RNF130: variants seen among roughly 807,000 people sequenced by gnomAD.
RNF130 encodes the protein ring finger protein 130, also known as E3 ubiquitin-protein ligase RNF130.
A neutral mutation model predicts 44.6 loss-of-function variants in RNF130; 21 were observed. That is an observed-to-expected ratio of 0.47 (90% CI 0.33 to 0.68). The LOEUF (loss-of-function observed/expected upper bound fraction) is 0.68, where lower values mean the gene tolerates loss of function less well. Among genes scored for constraint, RNF130 ranks in the 30% least tolerant of loss-of-function variants. RNF130 has a pLI of 0.02. For synonymous variants in RNF130, 214 were observed against 210.4 expected (o/e 1.02, Z -0.15); for missense variants, 479 against 560.6 (o/e 0.85, Z 1.47).
intron 7 of RNF130, among the ~76,000 whole-genome samples, chr5:179,949,710 T>C (rs772650924): frequency 9.2e-5 from 14 of 152,256 alleles, no homozygotes; most frequent in East Asian, 1.9e-4. Context: ...AAAGCTGTTG[T>C]AACTTTAAGT....
chr5:180,068,579 A>G (rs1420101920), intron 1 of RNF130, among the ~76,000 whole-genome samples: 2 of 152,254 alleles, frequency 1.3e-5, no homozygotes, highest in Non-Finnish European at 2.9e-5. Context: ...GCCTAAGAAA[A>G]AAATTGACTA....
At chr5:179,939,136 G>C in intron 7 of RNF130, among the ~76,000 whole-genome samples, 1 of 152,126 alleles carries the variant, frequency 6.6e-6, no homozygotes. Flanking sequence ...AGAATCGCTT[G>C]AACTCGGGAG....
At chr5:179,943,820 G>C (rs944197099) in intron 7 of RNF130, among the ~76,000 whole-genome samples, 6 of 152,168 alleles carry the variant, frequency 3.9e-5, no homozygotes, top group Non-Finnish European at 7.4e-5. Flanking sequence ...GCAACATGTT[G>C]ACTGATTTAA....
intron 3 of RNF130, among the ~76,000 whole-genome samples, chr5:180,002,110 C>T (rs1055339285): frequency 1.3e-5 from 2 of 152,202 alleles, no homozygotes; most frequent in Non-Finnish European, 2.9e-5. Context: ...AGCTTAGGTA[C>T]TGGGATGTGT....
chr5:179,929,118 T>C (rs938906842), intron 7 of RNF130, among the ~76,000 whole-genome samples: 39 of 152,296 alleles, frequency 2.6e-4, no homozygotes, highest in African/African-American at 8.9e-4. Context: ...AGGTCTATCA[T>C]CCATTTCAAG....
At chr5:179,972,770 T>C (rs1381590204) in intron 5 of RNF130, among the ~76,000 whole-genome samples, 1 of 152,182 alleles carries the variant, frequency 6.6e-6, no homozygotes, top group Non-Finnish European at 1.5e-5. Context: ...AACCAAATGG[T>C]ATAATCCTCA....
chr5:179,940,628 C>A (rs557045515), intron 7 of RNF130, among the ~76,000 whole-genome samples: 2 of 151,926 alleles, frequency 1.3e-5, no homozygotes, highest in Admixed American at 1.3e-4. Context: ...GTATCTTTTT[C>A]TCTGCCTTTA....
At chr5:180,001,005 T>A (rs917316477) in intron 3 of RNF130, among the ~76,000 whole-genome samples, 2 of 152,200 alleles carry the variant, frequency 1.3e-5, no homozygotes, top group Non-Finnish European at 2.9e-5. Flanking sequence ...TCTTTCAAAT[T>A]TTCTAGAGTG....
rs552880246 is a variant in RNF130 at position 179,918,323 on chromosome 5, T to A, written c.*1994A>T. 5.9e-5 allele frequency: 9 copies of A among 152,344 alleles called. No individual in the cohort carries two copies. The East Asian group carries it at 1.7e-3, about 29-fold the overall frequency. 9.4% of individuals were successfully genotyped at this position (152,344 alleles called of 1,614,324 possible). Reference sequence around the variant, plus strand: ...AAATTTGTACTTCTTCTCACGTAATTTCATACCTTTTCAGTAAAGAAACTG... The same window carrying A: ...AAATTTGTACTTCTTCTCACGTAATATCATACCTTTTCAGTAAAGAAACTG... On this transcript the variant is annotated 3_prime_UTR_variant, in exon 8 of 8. Coordinates refer to the RNF130 transcript ENST00000522208.
intron 2 of RNF130, among the ~76,000 whole-genome samples, chr5:180,030,997 A>G (rs1474016056): frequency 2.0e-5 from 3 of 152,194 alleles, no homozygotes; most frequent in South Asian, 4.1e-4. Flanking sequence ...AGCCTACTCA[A>G]TGGGAAGAAG....
chr5:180,028,245 A>G (rs1330895935), intron 2 of RNF130, among the ~76,000 whole-genome samples: 2 of 152,058 alleles, frequency 1.3e-5, no homozygotes, highest in African/African-American at 4.8e-5. Context: ...CACAGTCATG[A>G]CTTCGTACTC....
At chr5:179,987,400 C>T (rs1762979524) in intron 3 of RNF130, among the ~76,000 whole-genome samples, 1 of 152,194 alleles carries the variant, frequency 6.6e-6, no homozygotes, top group Non-Finnish European at 1.5e-5. Flanking sequence ...AACTACTTGG[C>T]TCAAGTGATC....
intron 3 of RNF130, among the ~76,000 whole-genome samples, chr5:179,988,000 C>G (rs1030455174): frequency 1.3e-5 from 2 of 152,184 alleles, no homozygotes; most frequent in Non-Finnish European, 2.9e-5. Flanking sequence ...AGAAAGAATT[C>G]TCTCTTCTTT....
chr5:179,960,816 C>T (rs2113697856), intron 8 of RNF130, among the ~76,000 whole-genome samples: 1 of 148,628 alleles, frequency 6.7e-6, no homozygotes, highest in African/African-American at 2.5e-5. Flanking sequence ...ATGAGGTTAC[C>T]CAGAAAATTA....
At chr5:179,972,356 A>C (rs1369137315) in intron 5 of RNF130, among the ~76,000 whole-genome samples, 1 of 152,162 alleles carries the variant, frequency 6.6e-6, no homozygotes, top group Non-Finnish European at 1.5e-5. Context: ...AGGAGTACGG[A>C]CCTATGCACT....
chr5:180,046,335 C>T (rs1208890107), intron 1 of RNF130, among the ~76,000 whole-genome samples: 2 of 152,144 alleles, frequency 1.3e-5, no homozygotes, highest in South Asian at 2.1e-4. Context: ...CCAGAGCAGA[C>T]ACCAAGGCGA....
At chr5:179,932,668 T>C (rs889397069) in intron 7 of RNF130, among the ~76,000 whole-genome samples, 13 of 151,782 alleles carry the variant, frequency 8.6e-5, no homozygotes, top group African/African-American at 3.1e-4. Context: ...TGAAACCCTG[T>C]CTCTACTAAA....
At chr5:180,008,078 C>T (rs868626946) in intron 3 of RNF130, among the ~76,000 whole-genome samples, 14 of 142,258 alleles carry the variant, frequency 9.8e-5, no homozygotes, top group African/African-American at 2.1e-4. Flanking sequence ...ACATGAGAAA[C>T]GGGTGGTGGC....
At chr5:179,948,047 G>A (rs1762070344) in intron 7 of RNF130, among the ~76,000 whole-genome samples, 1 of 152,178 alleles carries the variant, frequency 6.6e-6, no homozygotes, top group Admixed American at 6.5e-5. Context: ...AGGCTGGAGG[G>A]TATAAAGTAG....
Sources: allele counts gnomAD v4.1 joint callset (sites outside exome capture counted in the v4.1 genomes callset), GRCh38; gene constraint gnomAD v4.1.1; transcripts MANE v1.5; gene names NCBI Gene and HGNC (gene_info 2026-07-23, HGNC 2026-07-21).